Variants in SYNE2 observed in about 807,000 individuals in gnomAD.
SYNE2 encodes the protein nesprin-2.
SYNE2 carries 431 observed loss-of-function variants against 856.3 expected under a neutral mutation model. The ratio of observed to expected loss-of-function variants is 0.50; its 90% confidence interval spans 0.47 to 0.55. The LOEUF is 0.55. Ranked by LOEUF, SYNE2 falls within the 20% of genes least tolerant of loss-of-function variation. SYNE2 has a pLI of 0.00. For missense variants in SYNE2, 8,129 were observed against 8,023.2 expected (o/e 1.01, Z -0.50); for synonymous variants, 2,923 against 2,872.3 (o/e 1.02, Z -0.56).
chr14:63,772,126 A>G (rs111558566), intron 1 of SYNE2, among the ~76,000 whole-genome samples: 4,778 of 152,240 alleles, frequency 0.031, 251 homozygotes, highest in African/African-American at 0.11. Context: ...GCCAAGATGC[A>G]TGCATCCCTT....
intron 19 of SYNE2, among the ~76,000 whole-genome samples, chr14:63,988,904 G>A (rs943277400): frequency 1.1e-4 from 17 of 152,176 alleles, no homozygotes; most frequent in South Asian, 2.1e-4. Context: ...CTCACAACTC[G>A]TGGGAATTCA....
At chr14:63,889,193 A>G (rs889363809) in intron 1 of SYNE2, among the ~76,000 whole-genome samples, 1 of 150,846 alleles carries the variant, frequency 6.6e-6, no homozygotes, top group Non-Finnish European at 1.5e-5. Flanking sequence ...AATTACTTTT[A>G]TAAGCTCCTC....
intron 52 of SYNE2, among the ~76,000 whole-genome samples, chr14:64,072,753 G>A (rs538509041): frequency 6.6e-4 from 101 of 152,160 alleles, no homozygotes; most frequent in Non-Finnish European, 1.3e-3. Context: ...TGCCCGCCTC[G>A]GCCTCCCACA....
chr14:64,180,998 A>G (rs2098455367), intron 96 of SYNE2, among the ~76,000 whole-genome samples: 1 of 152,166 alleles, frequency 6.6e-6, no homozygotes, highest in South Asian at 2.1e-4. Context: ...TCTTATGTTA[A>G]TTCCAATAAT....
At chr14:63,850,353 G>T (rs1377687836), upstream of SYNE2, among the ~76,000 whole-genome samples, 1 of 151,142 alleles carries the variant, frequency 6.6e-6, no homozygotes, top group East Asian at 1.9e-4. Context: ...CGCCCAAAGT[G>T]CTGGGATTAC....
Position 64,137,834 on chromosome 14 carries a change from T to G in SYNE2, c.14694T>G (p.Thr4898=), listed in dbSNP as rs769782046. ...GAAAACACGCCCGGCTTTACCAAAC[T>G]CTGAACGAAGGCAAACAGTTGGTGG... ...IGGKHARLYQ[T]LNEGKQLVAS... The change falls in exon 79 of 116, where the codon ACT becomes ACG. Residue 4898 remains threonine, a synonymous_variant. Transcript: ENST00000555002. 1.9e-6 allele frequency: 3 copies of G among 1,614,190 alleles called. No individual in the cohort carries two copies. The Admixed American group carries it at 5.0e-5, about 27-fold the overall frequency.
At chr14:63,986,349 C>A in intron 18 of SYNE2, 107 bp from the exon 19 acceptor site, 1 of 1,179,952 alleles carries the variant, frequency 8.5e-7, no homozygotes, top group Non-Finnish European at 1.2e-6. Flanking sequence ...ATCCTCCTGC[C>A]CTGGCCTCCT....
intron 40 of SYNE2, 48 bp from the exon 41 acceptor site, chr14:64,025,082 A>G: frequency 6.2e-7 from 1 of 1,614,044 alleles, no homozygotes; most frequent in Non-Finnish European, 8.5e-7. Context: ...GGTTTCTTCC[A>G]TGGTGTGGTT....
At chr14:64,176,400 T>C (rs1320199989) in intron 95 of SYNE2, among the ~76,000 whole-genome samples, 1 of 152,218 alleles carries the variant, frequency 6.6e-6, no homozygotes, top group African/African-American at 2.4e-5. Flanking sequence ...TCCTTGTCTA[T>C]CTCCTAAGGT....
intron 1 of SYNE2, among the ~76,000 whole-genome samples, chr14:63,833,263 T>G (rs943677747): frequency 2.0e-5 from 3 of 152,260 alleles, no homozygotes; most frequent in Middle Eastern, 3.4e-3. Flanking sequence ...CTATGTTACA[T>G]ACTGCTCTTT....
intron 47 of SYNE2, 91 bp downstream of exon 47, chr14:64,049,967 T>A: frequency 6.9e-7 from 1 of 1,440,342 alleles, no homozygotes; most frequent in Non-Finnish European, 9.5e-7. Context: ...GAGTTTATAT[T>A]GTGAAAGGAA....
At position 64,071,049 on chromosome 14, in the gene SYNE2, G is replaced by A. The variant is rs1015726216; in HGVS notation, c.10697+139G>A. ...AACACTGATAGGTATAAAAAGGGAT[G>A]GAACAGATTAGTAACTATAATTAAG... On this transcript the variant is annotated intron_variant, in intron 52 of 115. Transcript: ENST00000555002. The A allele has an allele frequency of 7.4e-6, 6 of 814,342 alleles. No homozygotes were observed. The South Asian group carries it at 8.7e-5, about 12-fold the overall frequency. 50.4% of individuals were successfully genotyped at this position (814,342 alleles called of 1,614,324 possible).
intron 1 of SYNE2, among the ~76,000 whole-genome samples, chr14:63,803,528 C>T (rs925952807): frequency 3.9e-5 from 6 of 152,206 alleles, no homozygotes; most frequent in African/African-American, 1.2e-4. Flanking sequence ...CCTCATTGCC[C>T]GGGGCAGCAG....
At chr14:64,069,167 T>C (rs1187666062) in intron 51 of SYNE2, among the ~76,000 whole-genome samples, 1 of 152,228 alleles carries the variant, frequency 6.6e-6, no homozygotes, top group African/African-American at 2.4e-5. Flanking sequence ...CATTAAATCC[T>C]GGATTACAGA....
rs145018323 is a variant in SYNE2, at chr14:64,143,878, C to T, written c.15413C>T (p.Thr5138Met). The T allele has an allele frequency of 7.1e-5, 114 of 1,614,010 alleles. No homozygotes were observed. Among genetic ancestry groups the T allele is most frequent in the Middle Eastern group, 1.6e-4 (1 of 6,084 alleles). ...GTAGAAAGCAAGCGCTATGAAAGAA[C>T]GGAGTTTGCAGAGCACCTGGGGGAG... ...CDVESKRYER[T>M]EFAEHLGEMN... Residue 5138 changes from threonine to methionine, a missense_variant, in exon 83 of 116, where the codon ACG becomes ATG. By Grantham distance (81) the Thr-to-Met change is moderately conservative. Transcript: ENST00000555002.
At chr14:63,994,587 A>G (rs1451599943) in intron 22 of SYNE2, among the ~76,000 whole-genome samples, 1 of 152,218 alleles carries the variant, frequency 6.6e-6, no homozygotes, top group Non-Finnish European at 1.5e-5. Flanking sequence ...TACTGGGTCA[A>G]TGTTAATACA....
At chr14:64,159,522 A>G in intron 87 of SYNE2, 80 bp downstream of exon 87, 1 of 1,531,152 alleles carries the variant, frequency 6.5e-7, no homozygotes, top group Non-Finnish European at 8.9e-7. Flanking sequence ...TAGGCATTGT[A>G]AAGTCTTCTT....
chr14:64,220,225 C>T (rs2098688167), intron 110 of SYNE2, among the ~76,000 whole-genome samples: 1 of 152,166 alleles, frequency 6.6e-6, no homozygotes, highest in Non-Finnish European at 1.5e-5. Flanking sequence ...CTCCAGCAGG[C>T]CTCTACTTTG....
At chr14:63,814,689 C>CAT (rs1349384388) in intron 1 of SYNE2, among the ~76,000 whole-genome samples, 1 of 88,894 alleles carries the variant, frequency 1.1e-5, no homozygotes, top group African/African-American at 4.4e-5. Flanking sequence ...CATATATATC[C>CAT]ATATATATAT....
Sources: gnomAD v4.1 joint callset for allele counts (sites outside exome capture counted in the v4.1 genomes callset) on GRCh38, gnomAD v4.1.1 for gene constraint, MANE v1.5 for transcripts, NCBI Gene and HGNC (gene_info 2026-07-23, HGNC 2026-07-21) for gene names.